TOMM40: variants seen among roughly 807,000 people sequenced by gnomAD.
The protein encoded by TOMM40 is translocase of outer mitochondrial membrane 40.
In TOMM40, 9 loss-of-function variants were observed where a neutral mutation model predicts 38.4. That is an observed-to-expected ratio of 0.23 (90% CI 0.14 to 0.41). The LOEUF (loss-of-function observed/expected upper bound fraction) is 0.41, where lower values mean the gene tolerates loss of function less well. Ranked by LOEUF, TOMM40 falls within the 10% of genes least tolerant of loss-of-function variation. The pLI, the probability that TOMM40 is intolerant of heterozygous loss-of-function variation, is 1.00. For missense variants in TOMM40, 299 were observed against 486.5 expected (o/e 0.61, Z 3.63); for synonymous variants, 184 against 210.0 (o/e 0.88, Z 1.07).
At position 44,893,996 on chromosome 19, in the gene TOMM40, C is replaced by T. The variant is rs375888238; in HGVS notation, c.573C>T (p.Asp191=). 3.2e-5 allele frequency: 49 copies of T among 1,549,244 alleles called. No individual in the cohort carries two copies. Among genetic ancestry groups the T allele is most frequent in the African/African-American group, 2.6e-4 (19 of 73,236 alleles). The part of the protein sequence containing the change: ...QQSKFVNWQV[D]GEYRGSDFTA... The stretch of plus-strand genomic sequence containing the variant: ...CGAAGTTTGTGAACTGGCAGGTGGA[C>T]GGGGAGTATCGGGGCTCTGACTTCA... Residue 191 remains aspartate, a synonymous_variant, in exon 5 of 9, where the codon GAC becomes GAT. Transcript: ENST00000426677.
At chr19:44,898,929 G>A (rs1390714905) in intron 5 of TOMM40, among the ~76,000 whole-genome samples, 1 of 151,612 alleles carries the variant, frequency 6.6e-6, no homozygotes, top group Non-Finnish European at 1.5e-5. Context: ...CGGATCACGA[G>A]GTCAGGAGAT....
Position 44,903,191 on chromosome 19 carries a change from C to T in TOMM40, c.*22C>T, listed in dbSNP as rs773667609. 6.3e-7 allele frequency: 1 copy of T among 1,592,120 alleles called. No individual in the cohort carries two copies. Among genetic ancestry groups the T allele is most frequent in the East Asian group, 2.3e-5 (1 of 43,674 alleles). ...CTGAGCCCTCCTGGCCCCCGCCTTC[C>T]ACGCCCTTCCGATTCCACCTCCACC... On this transcript the variant is annotated 3_prime_UTR_variant, in exon 9 of 9. Coordinates refer to ENST00000426677, the MANE Select transcript of TOMM40 (RefSeq NM_001128917.2).
At chr19:44,892,361 G>A (rs1296340546) in intron 1 of TOMM40, 32 bp from the exon 2 acceptor site, 2 of 1,608,600 alleles carry the variant, frequency 1.2e-6, no homozygotes, top group Admixed American at 3.3e-5. Context: ...TGTGGGGTTG[G>A]AGTGGAGTGT....
chr19:44,892,535 C>G, intron 2 of TOMM40, 75 bp downstream of exon 2: 1 of 1,362,932 alleles, frequency 7.3e-7, no homozygotes, highest in Non-Finnish European at 1.0e-6. Flanking sequence ...ACACTCGGCC[C>G]AATTACTCCT....
At position 44,891,604 on chromosome 19, in the gene TOMM40, C is replaced by T; in HGVS notation, c.189C>T (p.Ala63=). 1 of 1,475,008 alleles carries T rather than the reference C, an allele frequency of 6.8e-7. No individual in the cohort carries two copies. The highest frequency in any genetic ancestry group is 8.9e-7 in the Non-Finnish European group (1 of 1,117,440). The allele number at this position is 1,475,008 out of a possible 1,614,324, so 91.4% of individuals were successfully genotyped here. The stretch of plus-strand genomic sequence containing the variant: ...AACGGACCCCCGGGGCTGCAACCGC[C>T]AGCGCCTCAGGGGCCGCCGAGGATG... ...SSERTPGAAT[A]SASGAAEDGA... is the part of the protein sequence containing the mutation. Residue 63 remains alanine, a synonymous_variant, in exon 1 of 9, where the codon GCC becomes GCT. Coordinates refer to ENST00000426677, the MANE Select transcript of TOMM40 (RefSeq NM_001128917.2).
intron 5 of TOMM40, among the ~76,000 whole-genome samples, chr19:44,895,487 A>G (rs1969547942): frequency 6.6e-6 from 1 of 152,134 alleles, no homozygotes. Flanking sequence ...ACCTGGTGAC[A>G]TCACCCCATC....
chr19:44,892,933 A>G lies in TOMM40; in HGVS notation c.435+4A>G. 2 of 1,610,418 alleles carry G rather than the reference A, an allele frequency of 1.2e-6. No homozygotes were observed. The highest frequency in any genetic ancestry group is 1.7e-6 in the Non-Finnish European group (2 of 1,177,550). On this transcript the variant is annotated splice_donor_region_variant and intron_variant, in intron 3 of 8. Coordinates refer to ENST00000426677, the MANE Select transcript of TOMM40 (RefSeq NM_001128917.2). Reference sequence around the variant, plus strand: ...AAAGCAGCTGAGTCCCACAGAGGTGAGCTTCCTTTTTCATCCATTCATTGT... The same window carrying G: ...AAAGCAGCTGAGTCCCACAGAGGTGGGCTTCCTTTTTCATCCATTCATTGT...
chr19:44,901,311 G>C lies in TOMM40; in HGVS notation c.946+1G>C. On this transcript the variant is annotated splice_donor_variant, in intron 8 of 8. Coordinates refer to ENST00000426677, the MANE Select transcript of TOMM40 (RefSeq NM_001128917.2). LOFTEE classifies it high-confidence loss of function. Reference sequence around the variant, plus strand: ...CCCAAGGCCAACCTCCTCTTCAAAGGTAAAGGTCTCGGTTCCCCTACGCGG... The same window carrying C: ...CCCAAGGCCAACCTCCTCTTCAAAGCTAAAGGTCTCGGTTCCCCTACGCGG... The C allele has an allele frequency of 6.2e-7, 1 of 1,613,574 alleles. No individual in the cohort carries two copies. The highest frequency in any genetic ancestry group is 8.5e-7 in the Non-Finnish European group (1 of 1,179,792).
At chr19:44,902,951 T>A in intron 8 of TOMM40, 79 bp from the exon 9 acceptor site, 2 of 1,540,684 alleles carry the variant, frequency 1.3e-6, no homozygotes, top group Non-Finnish European at 1.7e-6. Flanking sequence ...GGCATGTGGC[T>A]GGTATCCAAG....
At chr19:44,891,826 G>A (rs961485512) in intron 1 of TOMM40, 137 bp downstream of exon 1, 3 of 978,816 alleles carry the variant, frequency 3.1e-6, no homozygotes, top group African/African-American at 3.4e-5. Context: ...GGGATCGAAT[G>A]GTGGAACGTT....
chr19:44,891,565 G>A lies in TOMM40; in HGVS notation c.150G>A (p.Thr50=), dbSNP rs763180719. 2.8e-5 allele frequency: 41 copies of A among 1,442,506 alleles called. No individual in the cohort carries two copies. The African/African-American group carries it at 5.3e-4, about 19-fold the overall frequency. 89.4% of individuals were successfully genotyped at this position (1,442,506 alleles called of 1,614,324 possible). A position where few individuals can be genotyped will look rare whatever the true frequency, so the allele number is the denominator to read the frequency against. The change falls in exon 1 of 9, where the codon ACG becomes ACA. Residue 50 remains threonine (T), a synonymous_variant. Coordinates refer to ENST00000426677, the MANE Select transcript of TOMM40 (RefSeq NM_001128917.2). ...LGGSLGAGTS[T]SRSSERTPGA... ...GCAGCCTGGGCGCCGGCACCAGTAC[G>A]AGTCGAAGTTCGGAACGGACCCCCG... is the stretch of plus-strand genomic sequence containing the variant.
chr19:44,896,110 C>T (rs900172223), intron 5 of TOMM40, among the ~76,000 whole-genome samples: 2 of 152,204 alleles, frequency 1.3e-5, no homozygotes, highest in East Asian at 3.8e-4. Flanking sequence ...TTCCCTGTGC[C>T]GCCTCGCTCG....
At chr19:44,891,930 G>A (rs1348787100) in intron 1 of TOMM40, among the ~76,000 whole-genome samples, 2 of 152,186 alleles carry the variant, frequency 1.3e-5, no homozygotes, top group African/African-American at 4.8e-5. Flanking sequence ...GAGGAGCCCC[G>A]GGATCAGCCA....
In TOMM40 at chr19:44,892,978, T is replaced by C. The variant is rs751653247; in HGVS notation, c.435+49T>C. 18 of 1,501,258 alleles carry C rather than the reference T, an allele frequency of 1.2e-5. No individual in the cohort carries two copies. The East Asian group carries it at 4.1e-4, about 34-fold the overall frequency. The allele number at this position is 1,501,258 out of a possible 1,614,324, so 93.0% of individuals were successfully genotyped here. ...CATTGTATCCTTCTAATAACAAATT[T>C]GTAGCCAAATGTCAAGCTAAGACGG... On this transcript the variant is annotated intron_variant, in intron 3 of 8. Coordinates refer to ENST00000426677, the MANE Select transcript of TOMM40 (RefSeq NM_001128917.2).
chr19:44,900,894 C>T lies in TOMM40; in HGVS notation c.766+42C>T, dbSNP rs762555818. The stretch of plus-strand genomic sequence containing the variant: ...GGTCCGAGGGTGGAGGGGCTGGGCC[C>T]CTGGACTCCTCCTGGGTCTGAGGGA... On this transcript the variant is annotated intron_variant, in intron 6 of 8. Transcript: ENST00000426677. 5 of 1,610,538 alleles carry T rather than the reference C, an allele frequency of 3.1e-6. No individual in the cohort carries two copies. The South Asian group carries it at 5.5e-5, about 18-fold the overall frequency.
At chr19:44,894,176 C>A in intron 5 of TOMM40, 110 bp downstream of exon 5, 1 of 790,344 alleles carries the variant, frequency 1.3e-6, no homozygotes, top group Non-Finnish European at 1.9e-6. Context: ...AGTGGCTCAG[C>A]AGGAGTGATT....
chr19:44,893,747 C>T (rs778505909), intron 3 of TOMM40, 33 bp from the exon 4 acceptor site: 1 of 1,593,152 alleles, frequency 6.3e-7, no homozygotes, highest in Admixed American at 1.7e-5. Flanking sequence ...CAGTGCACCA[C>T]CTCTGACCCC....
rs993154034 is a variant in TOMM40 at position 44,903,256 on chromosome 19, C to A, written c.*87C>A. 3.0e-6 allele frequency: 4 copies of A among 1,352,690 alleles called. No homozygotes were observed. The highest frequency in any genetic ancestry group is 4.0e-6 in the Non-Finnish European group (4 of 1,005,622). 83.8% of individuals were successfully genotyped at this position (1,352,690 alleles called of 1,614,324 possible). On this transcript the variant is annotated 3_prime_UTR_variant, in exon 9 of 9. Transcript: ENST00000426677. The stretch of plus-strand genomic sequence containing the variant: ...CCACAGAGGGGAGACCTGAGCCCCC[C>A]TCCCTTCCCTCCCCCCTTGGGGGTC...
chr19:44,894,763 C>T (rs758007116), intron 5 of TOMM40, among the ~76,000 whole-genome samples: 5 of 152,096 alleles, frequency 3.3e-5, no homozygotes, highest in South Asian at 4.1e-4. Flanking sequence ...GTAGTGCAGT[C>T]GGGACTCGTG....
Sources: gnomAD v4.1 joint callset for allele counts (sites outside exome capture counted in the v4.1 genomes callset) on GRCh38, gnomAD v4.1.1 for gene constraint, MANE v1.5 for transcripts, NCBI Gene and HGNC (gene_info 2026-07-23, HGNC 2026-07-21) for gene names.